PCDHGB2: variants seen among roughly 807,000 people sequenced by gnomAD.
PCDHGB2 encodes the protein protocadherin gamma subfamily B, 2.
PCDHGB2 carries 55 observed loss-of-function variants against 59.3 expected under a neutral mutation model. That is an observed-to-expected ratio of 0.93 (90% CI 0.75 to 1.16). The LOEUF (loss-of-function observed/expected upper bound fraction) is 1.16. Among genes scored for constraint, PCDHGB2 ranks in the 50% most tolerant of loss-of-function variants. The probability of loss-of-function intolerance (pLI) is 0.00; values close to 1 mark genes in which losing one functional copy is unlikely to be tolerated. For missense variants in PCDHGB2, 1,228 were observed against 1,198.5 expected (o/e 1.02, Z -0.36); for synonymous variants, 516 against 512.0 (o/e 1.01, Z -0.11).
Position 141,361,098 on chromosome 5 carries a change from A to G in PCDHGB2, c.963A>G (p.Ala321=), listed in dbSNP as rs1345076438. The part of the protein sequence containing the change: ...IASSYTLSIE[A]KDPGDLAAHC... ...GTAGTTACACTCTGAGTATCGAAGC[A>G]AAAGATCCTGGAGATCTAGCAGCCC... The change falls in exon 1 of 4, where the codon GCA becomes GCG. Residue 321 remains alanine (A), a synonymous_variant. Coordinates refer to ENST00000522605, the MANE Select transcript of PCDHGB2 (RefSeq NM_018923.3). 1 of 1,614,016 alleles carries G rather than the reference A, an allele frequency of 6.2e-7. No homozygotes were observed. The highest frequency in any genetic ancestry group is 2.2e-5 in the East Asian group (1 of 44,888).
At chr5:141,371,198 CATGG>C in intron 1 of PCDHGB2, 3 of 1,614,008 alleles carry the variant, frequency 1.9e-6, no homozygotes, top group Non-Finnish European at 2.5e-6. Flanking sequence ...TGGCCATTGA[CATGG>C]ATGAGGGCAT....
chr5:141,410,699 A>G (rs760193148), intron 1 of PCDHGB2: 1 of 1,478,344 alleles, frequency 6.8e-7, no homozygotes, highest in East Asian at 2.3e-5. Flanking sequence ...CTTTATTTTC[A>G]TATCTAGAAT....
intron 1 of PCDHGB2, chr5:141,375,613 C>T (rs770657408): frequency 1.2e-6 from 2 of 1,614,226 alleles, no homozygotes; most frequent in Non-Finnish European, 1.7e-6. Context: ...TCAACTCCGA[C>T]ACTGGGATTC....
At chr5:141,401,614 G>T (rs1242268897) in intron 1 of PCDHGB2, among the ~76,000 whole-genome samples, 1 of 152,188 alleles carries the variant, frequency 6.6e-6, no homozygotes, top group Non-Finnish European at 1.5e-5. Context: ...AAAGACACCG[G>T]ATTTGTCTTA....
At chr5:141,478,740 C>T (rs2099474176) in intron 1 of PCDHGB2, 7 of 1,531,524 alleles carry the variant, frequency 4.6e-6, no homozygotes, top group Non-Finnish European at 6.2e-6. Flanking sequence ...GGTTTGTGGT[C>T]CCATTTCAGG....
chr5:141,496,747 A>T (rs13188028), intron 2 of PCDHGB2, among the ~76,000 whole-genome samples: 1 of 152,124 alleles, frequency 6.6e-6, no homozygotes, highest in Non-Finnish European at 1.5e-5. Context: ...CATTTATTCA[A>T]CAAATATTTA....
chr5:141,398,740 C>T, intron 1 of PCDHGB2: 1 of 1,613,864 alleles, frequency 6.2e-7, no homozygotes, highest in Non-Finnish European at 8.5e-7. Flanking sequence ...CCGGGAACAA[C>T]AGAGTTACCA....
rs2099631185 is a variant in PCDHGB2, at chr5:141,486,568, T to C, written c.2422-8239T>C. Reference sequence around the variant, plus strand: ...AGAGGTCACATGAGGTGTTTGTTCCTGAGAACAATCGCCCAGGGGACCTGC... The same window carrying C: ...AGAGGTCACATGAGGTGTTTGTTCCCGAGAACAATCGCCCAGGGGACCTGC... On this transcript the variant is annotated intron_variant, in intron 1 of 3. Coordinates refer to ENST00000522605, the MANE Select transcript of PCDHGB2 (RefSeq NM_018923.3). The surrounding 1 kb of genome is among the most constrained non-coding windows in gnomAD (Gnocchi z 5.0). 1.9e-6 allele frequency: 3 copies of C among 1,613,862 alleles called. No homozygotes were observed. The South Asian group carries it at 3.3e-5, about 18-fold the overall frequency.
rs767400679 is a variant in PCDHGB2, at chr5:141,476,863, C to T, written c.2422-17944C>T. 2.2e-5 allele frequency: 35 copies of T among 1,613,740 alleles called. No individual in the cohort carries two copies. Among genetic ancestry groups the T allele is most frequent in the Non-Finnish European group, 2.8e-5 (33 of 1,180,062 alleles). On this transcript the variant is annotated intron_variant, in intron 1 of 3. Coordinates refer to ENST00000522605, the MANE Select transcript of PCDHGB2 (RefSeq NM_018923.3). The surrounding 1 kb of genome is among the most constrained non-coding windows in gnomAD (Gnocchi z 7.6). ...CGCCTGTCTTCAACCAGTCCTTGTA[C>T]CGGGCGCGCGTCCTGGAGGATGCAC...
chr5:141,460,511 A>G (rs533913282), intron 1 of PCDHGB2, among the ~76,000 whole-genome samples: 2 of 152,286 alleles, frequency 1.3e-5, no homozygotes, highest in Admixed American at 1.3e-4. Context: ...TGAGAAGGCT[A>G]TCTTTTCCCC....
chr5:141,365,504 T>G, intron 1 of PCDHGB2: 1 of 1,613,984 alleles, frequency 6.2e-7, no homozygotes, highest in Non-Finnish European at 8.5e-7. Flanking sequence ...GAATTTGCCT[T>G]TTAAATTGGA....
intron 1 of PCDHGB2, chr5:141,374,738 G>C (rs1454843423): frequency 4.3e-6 from 7 of 1,611,282 alleles, no homozygotes; most frequent in East Asian, 2.2e-5. Flanking sequence ...GGATGGCGGC[G>C]ACCCTGTCCG....
At chr5:141,376,180 G>A (rs113596971) in intron 1 of PCDHGB2, 2 of 1,614,100 alleles carry the variant, frequency 1.2e-6, no homozygotes, top group Non-Finnish European at 8.5e-7. Context: ...CGGTGGCCGC[G>A]GTCTCCTGCG....
chr5:141,501,237 A>G (rs1327502244), intron 2 of PCDHGB2, among the ~76,000 whole-genome samples: 1 of 150,372 alleles, frequency 6.7e-6, no homozygotes, highest in Non-Finnish European at 1.5e-5. Flanking sequence ...CAGTTTTTTG[A>G]GCATGATGTA....
At position 141,362,414 on chromosome 5, in the gene PCDHGB2, C is replaced by A. The variant is rs1399148025; in HGVS notation, c.2279C>A (p.Ser760Ter). The A allele has an allele frequency of 6.2e-7, 1 of 1,614,058 alleles. No homozygotes were observed. Among genetic ancestry groups the A allele is most frequent in the South Asian group, 1.1e-5 (1 of 91,088 alleles). The change falls in exon 1 of 4, where the codon TCA becomes TAA. Residue 760 changes from serine (S) to a stop codon, truncating the protein, a stop_gained. Coordinates refer to ENST00000522605, the MANE Select transcript of PCDHGB2 (RefSeq NM_018923.3). LOFTEE classifies it high-confidence loss of function. ...YSYNLCVASQ[S>*]AKTEFNFLNI... ...TACAACCTGTGTGTTGCCTCACAAT[C>A]AGCCAAGACAGAGTTCAATTTTCTG... is the stretch of plus-strand genomic sequence containing the variant.
rs2099883798 is a variant in PCDHGB2, at chr5:141,511,451, AT to A, written c.*281del. On this transcript the variant is annotated 3_prime_UTR_variant, in exon 4 of 4. Transcript: ENST00000522605. ...GGGGTTACTGTAGACACCAAGAACC[AT>A]TTGCCACACCCCGTTTAGTTACAGC... The A allele has an allele frequency of 3.3e-6, 2 of 606,372 alleles. No individual in the cohort carries two copies. Among genetic ancestry groups the A allele is most frequent in the African/African-American group, 1.9e-5 (1 of 53,734 alleles). 37.6% of individuals were successfully genotyped at this position (606,372 alleles called of 1,614,324 possible).
intron 1 of PCDHGB2, chr5:141,417,903 A>G (rs2096184376): frequency 1.3e-6 from 2 of 1,590,930 alleles, no homozygotes; most frequent in Non-Finnish European, 8.6e-7. Flanking sequence ...GGCCCGCGGC[A>G]GGTACTATTT....
At chr5:141,508,588 C>G (rs1721443459) in intron 3 of PCDHGB2, among the ~76,000 whole-genome samples, 1 of 152,176 alleles carries the variant, frequency 6.6e-6, no homozygotes, top group African/African-American at 2.4e-5. Context: ...GGGTGCTACT[C>G]AGAGATCTTG....
chr5:141,415,893 A>G, intron 1 of PCDHGB2: 2 of 904,826 alleles, frequency 2.2e-6, no homozygotes, highest in Non-Finnish European at 3.0e-6. Flanking sequence ...GACAATTCCT[A>G]AGACAGACTT....
Sources: gnomAD v4.1 joint callset for allele counts (sites outside exome capture counted in the v4.1 genomes callset) on GRCh38, gnomAD v4.1.1 for gene constraint, Gnocchi (gnomAD v3.1) non-coding constraint, MANE v1.5 for transcripts, NCBI Gene and HGNC (gene_info 2026-07-23, HGNC 2026-07-21) for gene names.